LCN12: variants seen among roughly 807,000 people sequenced by gnomAD.
LCN12 encodes the protein epididymal-specific lipocalin-12.
LCN12 carries 15 observed loss-of-function variants against 23.7 expected under a neutral mutation model. The observed-to-expected ratio is 0.63, with a 90% CI of 0.42 to 0.97. LCN12 has a LOEUF of 0.97. Ranked by LOEUF, LCN12 falls within the 50% of genes least tolerant of loss-of-function variation. The pLI is 0.00. For synonymous variants in LCN12, 116 were observed against 111.5 expected, an observed-to-expected ratio of 1.04 and a Z score of -0.25; for missense variants, 219 against 249.6, an observed-to-expected ratio of 0.88 and a Z score of 0.83.
intron 5 of LCN12, chr9:136,954,794 C>T: frequency 6.2e-6 from 8 of 1,290,132 alleles, no homozygotes; most frequent in Non-Finnish European, 8.1e-6. Flanking sequence ...AGCCGCGGCC[C>T]CCAAGGCCTG....
intron 1 of LCN12, 32 bp downstream of exon 1, chr9:136,952,473 C>A: frequency 6.7e-7 from 1 of 1,490,204 alleles, no homozygotes; most frequent in Non-Finnish European, 9.3e-7. Context: ...GAGAAGCAGC[C>A]GGCTGGGTCT....
At chr9:136,954,093 C>A in intron 4 of LCN12, 61 bp from the exon 5 acceptor site, 1 of 1,514,528 alleles carries the variant, frequency 6.6e-7, no homozygotes, top group Non-Finnish European at 8.9e-7. Flanking sequence ...AATCTCCCAC[C>A]TACCCAGCCC....
intron 2 of LCN12, 136 bp from the exon 3 acceptor site, chr9:136,953,564 C>G (rs1421474460): frequency 4.9e-6 from 3 of 615,864 alleles, no homozygotes; most frequent in Non-Finnish European, 5.7e-6. Context: ...AGTTAGACAC[C>G]ATCTCCACTC....
At chr9:136,954,580 C>T (rs774239654) in intron 5 of LCN12, 33 of 483,944 alleles carry the variant, frequency 6.8e-5, no homozygotes, top group Non-Finnish European at 1.2e-4. Context: ...CCCACCTCCT[C>T]CCACCCCGGG....
At position 136,953,979 on chromosome 9, in the gene LCN12, C is replaced by T; in HGVS notation, c.448+15C>T. On this transcript the variant is annotated intron_variant, in intron 4 of 5. Transcript: ENST00000371633. Reference sequence around the variant, plus strand: ...CAGCCTGCTGGGTGAGCCTCCCACCCCGTCCTGGGCCCGTGTGTGGCCCTG... The same window carrying T: ...CAGCCTGCTGGGTGAGCCTCCCACCTCGTCCTGGGCCCGTGTGTGGCCCTG... 1 of 1,605,140 alleles carries T rather than the reference C, an allele frequency of 6.2e-7. No homozygotes were observed. Among genetic ancestry groups the T allele is most frequent in the African/African-American group, 1.3e-5 (1 of 74,954 alleles).
chr9:136,954,726 G>T (rs1851281211), intron 5 of LCN12: 1 of 1,290,920 alleles, frequency 7.7e-7, no homozygotes, highest in Non-Finnish European at 1.0e-6. Flanking sequence ...CATCCCAGGA[G>T]GTGCCCTGGA....
At chr9:136,954,445 G>C (rs1851264449) in intron 5 of LCN12, 190 bp downstream of exon 5, 2 of 736,488 alleles carry the variant, frequency 2.7e-6, no homozygotes, top group East Asian at 3.0e-5. Context: ...GCCGCCCCGG[G>C]TCCCCTGTCC....
chr9:136,950,762 T>G (rs757115406), upstream of LCN12, among the ~76,000 whole-genome samples: 1 of 152,194 alleles, frequency 6.6e-6, no homozygotes, highest in Non-Finnish European at 1.5e-5. Context: ...GCTAGCGTTG[T>G]GCTGGTGAGA....
At chr9:136,954,051 C>T (rs1251383838) in intron 4 of LCN12, 87 bp downstream of exon 4, 20 of 1,548,424 alleles carry the variant, frequency 1.3e-5, no homozygotes, top group Middle Eastern at 2.1e-4. Context: ...CTCCCCACCC[C>T]GCCTGGAGTG....
downstream of LCN12, among the ~76,000 whole-genome samples, chr9:136,955,852 A>G (rs1213686685): frequency 1.3e-5 from 2 of 151,996 alleles, no homozygotes; most frequent in Non-Finnish European, 2.9e-5. Flanking sequence ...CCCCGGAAAC[A>G]CTCAGACCCC....
At chr9:136,952,080 G>C (rs1851165640), upstream of LCN12, among the ~76,000 whole-genome samples, 1 of 144,146 alleles carries the variant, frequency 6.9e-6, no homozygotes, top group Non-Finnish European at 1.5e-5. Context: ...AGGTGGACCT[G>C]GGGGCCCCTC....
At position 136,953,889 on chromosome 9, in the gene LCN12, G is replaced by A. The variant is rs45578835; in HGVS notation, c.373G>A (p.Asp125Asn). 11,106 of 1,609,474 alleles carry A rather than the reference G, an allele frequency of 6.9e-3. 63 individuals carry two copies. The highest frequency in any genetic ancestry group is 0.012 in the Middle Eastern group (73 of 6,046). ...DREETRVVDS[D>N]YTQFALMLSR... ...AGAGGAGACCCGGGTGGTGGACAGC[G>A]ACTACACCCAGTTCGCCCTGATGCT... The change falls in exon 4 of 6, where the codon GAC (aspartate) becomes AAC (asparagine). Residue 125 changes from aspartate (D) to asparagine (N), a missense_variant. Physicochemically the swap from Asp to Asn is conservative, Grantham distance 23. Transcript: ENST00000371633.
chr9:136,950,148 C>T (rs1851114859), upstream of LCN12, among the ~76,000 whole-genome samples: 1 of 152,148 alleles, frequency 6.6e-6, no homozygotes, highest in African/African-American at 2.4e-5. Context: ...GGTCACGTGC[C>T]CACCCTCCAC....
chr9:136,954,414 C>T (rs767527754), intron 5 of LCN12, 159 bp downstream of exon 5: 3 of 912,244 alleles, frequency 3.3e-6, no homozygotes, highest in Non-Finnish European at 5.2e-6. Flanking sequence ...TGTGCTCAAC[C>T]CAGGCTCTGA....
chr9:136,954,812 T>C, intron 5 of LCN12: 1 of 1,285,548 alleles, frequency 7.8e-7, no homozygotes, highest in Non-Finnish European at 1.0e-6. Context: ...CTGACTCTTC[T>C]TGTGGGAGGG....
At chr9:136,954,805 A>G in intron 5 of LCN12, 1 of 1,287,592 alleles carries the variant, frequency 7.8e-7, no homozygotes, top group Non-Finnish European at 1.0e-6. Flanking sequence ...CCAAGGCCTG[A>G]CTCTTCTTGT....
At chr9:136,951,928 C>T (rs1851161401), upstream of LCN12, among the ~76,000 whole-genome samples, 1 of 152,238 alleles carries the variant, frequency 6.6e-6, no homozygotes, top group South Asian at 2.1e-4. Flanking sequence ...TGCGGCAGGT[C>T]ACGCTGTCTG....
chr9:136,955,396 T>C lies in LCN12; in HGVS notation c.576T>C (p.Cys192=), dbSNP rs1346457221. 1 of 1,613,272 alleles carries C rather than the reference T, an allele frequency of 6.2e-7. No homozygotes were observed. Among genetic ancestry groups the C allele is most frequent in the Non-Finnish European group, 8.5e-7 (1 of 1,179,746 alleles). The part of the protein sequence containing the change: ...VTGWSPQASV[C] ...GCTGGTCACCCCAGGCCAGCGTCTG[T>C]TGAAGGATGAAGCAGCTCCTGTCCG... Residue 192 remains cysteine, a synonymous_variant, in exon 6 of 6, where the codon TGT becomes TGC. Coordinates refer to ENST00000371633, the MANE Select transcript of LCN12 (RefSeq NM_178536.4).
downstream of LCN12, chr9:136,955,518 T>A: frequency 8.9e-7 from 1 of 1,122,718 alleles, no homozygotes. Flanking sequence ...GTGACCACTA[T>A]GACCTTGGGT....
Sources: gnomAD v4.1 joint callset for allele counts (sites outside exome capture counted in the v4.1 genomes callset) on GRCh38, gnomAD v4.1.1 for gene constraint, MANE v1.5 for transcripts, NCBI Gene and HGNC (gene_info 2026-07-23, HGNC 2026-07-21) for gene names.